SMARCAD1: variants seen among roughly 807,000 people sequenced by gnomAD.
SMARCAD1 encodes the protein SWI/SNF-related matrix-associated actin-dependent regulator of chromatin subfamily A containing DEAD/H box 1.
Under a neutral mutation model 127.1 loss-of-function variants are expected in SMARCAD1, and 25 were observed. That is an observed-to-expected ratio of 0.20 (90% CI 0.14 to 0.27). The LOEUF (loss-of-function observed/expected upper bound fraction) is 0.27. Ranked by LOEUF, SMARCAD1 falls within the 10% of genes least tolerant of loss-of-function variation. SMARCAD1 has a pLI of 1.00. For synonymous variants in SMARCAD1, 400 were observed against 396.9 expected, an observed-to-expected ratio of 1.01 and a Z score of -0.09; for missense variants, 807 against 1,206.0, an observed-to-expected ratio of 0.67 and a Z score of 4.90.
chr4:94,233,380 A>C (rs1181137296), intron 3 of SMARCAD1, among the ~76,000 whole-genome samples: 1 of 152,224 alleles, frequency 6.6e-6, no homozygotes, highest in African/African-American at 2.4e-5. Context: ...AAACATATGA[A>C]GTTAAATAGA....
At chr4:94,278,362 C>A (rs1158218530) in intron 16 of SMARCAD1, 60 bp from the exon 17 acceptor site, 4 of 1,364,704 alleles carry the variant, frequency 2.9e-6, no homozygotes, top group Non-Finnish European at 4.2e-6. Flanking sequence ...TGTAATAATA[C>A]TGTTATTGCA....
intron 7 of SMARCAD1, among the ~76,000 whole-genome samples, chr4:94,250,495 A>G (rs1306414990): frequency 6.6e-6 from 1 of 152,096 alleles, no homozygotes; most frequent in African/African-American, 2.4e-5. Flanking sequence ...TTGATCCTCT[A>G]GTGTTCACAG....
intron 10 of SMARCAD1, among the ~76,000 whole-genome samples, chr4:94,268,969 TATTG>T (rs1752138228): frequency 1.3e-5 from 2 of 152,186 alleles, no homozygotes; most frequent in African/African-American, 4.8e-5. Context: ...ATAGAAATTA[TATTG>T]ATTGGGAAAG....
At chr4:94,243,352 TTG>T (rs1186087579) in intron 6 of SMARCAD1, among the ~76,000 whole-genome samples, 1 of 152,212 alleles carries the variant, frequency 6.6e-6, no homozygotes, top group African/African-American at 2.4e-5. Flanking sequence ...TGCAATTTAT[TTG>T]TGTCTCTTGA....
At chr4:94,287,031 A>AT (rs1365145801) in intron 23 of SMARCAD1, among the ~76,000 whole-genome samples, 8 of 152,136 alleles carry the variant, frequency 5.3e-5, no homozygotes, top group Non-Finnish European at 1.0e-4. Flanking sequence ...TGCCCAGCTA[A>AT]TTTTTTGTAT....
rs1275312926 is a variant in SMARCAD1 at position 94,291,084 on chromosome 4, A to T, written c.*1550A>T. The T allele has an allele frequency of 2.2e-6, 1 of 448,076 alleles. No homozygotes were observed. The highest frequency in any genetic ancestry group is 7.0e-5 in the East Asian group (1 of 14,382). 27.8% of individuals were successfully genotyped at this position (448,076 alleles called of 1,614,324 possible). On this transcript the variant is annotated 3_prime_UTR_variant, in exon 24 of 24. Transcript: ENST00000354268. ...ATCACTATACCCAAATCAGTTATTC[A>T]AATTGTTAGGAATTTTACCTTTTAA...
At chr4:94,250,300 C>T (rs1247246698) in intron 7 of SMARCAD1, among the ~76,000 whole-genome samples, 3 of 152,046 alleles carry the variant, frequency 2.0e-5, no homozygotes, top group Admixed American at 6.5e-5. Context: ...AGTACATTTA[C>T]ACTTGCACTG....
At chr4:94,279,873 T>C (rs1398289844) in intron 19 of SMARCAD1, among the ~76,000 whole-genome samples, 4 of 151,356 alleles carry the variant, frequency 2.6e-5, no homozygotes, top group African/African-American at 9.7e-5. Flanking sequence ...TTTCTTTACT[T>C]TTTTTTTTGA....
chr4:94,269,520 G>A (rs1752231844), intron 10 of SMARCAD1, among the ~76,000 whole-genome samples: 1 of 150,152 alleles, frequency 6.7e-6, no homozygotes, highest in Non-Finnish European at 1.5e-5. Context: ...ATCTGTTAAA[G>A]TGATGATAGT....
At chr4:94,227,791 TG>T (rs1442775882) in intron 3 of SMARCAD1, among the ~76,000 whole-genome samples, 1 of 152,212 alleles carries the variant, frequency 6.6e-6, no homozygotes, top group Admixed American at 6.5e-5. Context: ...ATTTGAGTTC[TG>T]GGGAGAGATT....
At chr4:94,247,502 G>T (rs1748622069) in intron 6 of SMARCAD1, among the ~76,000 whole-genome samples, 1 of 152,168 alleles carries the variant, frequency 6.6e-6, no homozygotes, top group Admixed American at 6.6e-5. Context: ...CTGTTTTCCA[G>T]ATATTTTATG....
At chr4:94,236,739 A>G (rs1290449256) in intron 4 of SMARCAD1, among the ~76,000 whole-genome samples, 2 of 152,192 alleles carry the variant, frequency 1.3e-5, no homozygotes, top group African/African-American at 2.4e-5. Flanking sequence ...AGAATGAGTC[A>G]ACCTGATACA....
chr4:94,224,488 G>C (rs898551502), intron 2 of SMARCAD1, among the ~76,000 whole-genome samples: 5 of 152,136 alleles, frequency 3.3e-5, no homozygotes. Flanking sequence ...AAGTTTGTGC[G>C]TAAAACAAAG....
chr4:94,247,511 T>C (rs1332944551), intron 6 of SMARCAD1, among the ~76,000 whole-genome samples: 2 of 152,226 alleles, frequency 1.3e-5, no homozygotes, highest in African/African-American at 4.8e-5. Context: ...AGATATTTTA[T>C]GTATTTTTTT....
At chr4:94,273,931 A>G (rs1230992649) in intron 12 of SMARCAD1, among the ~76,000 whole-genome samples, 4 of 152,226 alleles carry the variant, frequency 2.6e-5, no homozygotes, top group African/African-American at 4.8e-5. Context: ...AATGTAAGTC[A>G]GTTTTAAAAT....
At chr4:94,280,446 T>C in intron 19 of SMARCAD1, 146 bp from the exon 20 acceptor site, 1 of 675,876 alleles carries the variant, frequency 1.5e-6, no homozygotes, top group South Asian at 2.0e-5. Flanking sequence ...AAAAGATTAA[T>C]ACTAATTTTC....
At chr4:94,274,658 T>G in intron 12 of SMARCAD1, 80 bp from the exon 13 acceptor site, 1 of 1,307,924 alleles carries the variant, frequency 7.6e-7, no homozygotes. Context: ...GAGTAGCACT[T>G]GTCAAAGTTT....
intron 5 of SMARCAD1, among the ~76,000 whole-genome samples, chr4:94,240,409 AT>A (rs1311101271): frequency 6.6e-6 from 1 of 152,184 alleles, no homozygotes; most frequent in African/African-American, 2.4e-5. Flanking sequence ...TATCCTCCTC[AT>A]TTGTGAAATA....
At chr4:94,257,805 T>C (rs572259095) in intron 9 of SMARCAD1, among the ~76,000 whole-genome samples, 1 of 152,334 alleles carries the variant, frequency 6.6e-6, no homozygotes, top group African/African-American at 2.4e-5. Context: ...AATATAGTTA[T>C]AATGCACTTT....
Sources: allele counts gnomAD v4.1 joint callset (sites outside exome capture counted in the v4.1 genomes callset), GRCh38; gene constraint gnomAD v4.1.1; transcripts MANE v1.5; gene names NCBI Gene and HGNC (gene_info 2026-07-23, HGNC 2026-07-21).